Variants in CRACDL observed in about 807,000 individuals in gnomAD.
CRACDL encodes CRACD-like protein.
In CRACDL, 26 loss-of-function variants were observed where a neutral mutation model predicts 70.6. The ratio of observed to expected loss-of-function variants is 0.37; its 90% confidence interval spans 0.27 to 0.51. The LOEUF is 0.51. Among genes scored for constraint, CRACDL ranks in the 20% least tolerant of loss-of-function variants. The pLI, the probability that CRACDL is intolerant of heterozygous loss-of-function variation, is 0.94. For synonymous variants in CRACDL, 618 were observed against 615.2 expected (o/e 1.00, Z -0.07); for missense variants, 1,283 against 1,376.9 (o/e 0.93, Z 1.08).
At position 98,823,510 on chromosome 2, in the gene CRACDL, G is replaced by T; in HGVS notation, c.763C>A (p.Leu255Met). Residue 255 changes from leucine to methionine, a missense_variant, in exon 7 of 10, where the codon CTG (leucine) becomes ATG (methionine). Leu to Met is a conservative substitution (Grantham distance 15). Transcript: ENST00000397899. The surrounding 1 kb of genome is among the most constrained non-coding windows in gnomAD (Gnocchi z 4.0). ...TCCTCCTCCTCTGGGGTGCACGTCA[G>T]GTCGCTCAGGGATTCAGACTGAGCG... is the stretch of plus-strand genomic sequence containing the variant. ...SRAQSESLSD[L>M]TCTPEEEENE... 2 of 1,590,750 alleles carry T rather than the reference G, an allele frequency of 1.3e-6. No homozygotes were observed. The highest frequency in any genetic ancestry group is 1.7e-6 in the Non-Finnish European group (2 of 1,176,128).
At chr2:98,872,741 G>A (rs1227036637) in intron 1 of CRACDL, among the ~76,000 whole-genome samples, 1 of 152,206 alleles carries the variant, frequency 6.6e-6, no homozygotes, top group East Asian at 1.9e-4. Flanking sequence ...TGACGATGCT[G>A]CCCGTGGACC....
chr2:98,908,178 G>A (rs1336451884), intron 1 of CRACDL, among the ~76,000 whole-genome samples: 2 of 152,246 alleles, frequency 1.3e-5, no homozygotes, highest in Non-Finnish European at 2.9e-5. Context: ...GTTCAAAGCT[G>A]TAACCAGTAG....
At chr2:98,889,985 A>G (rs1707920439) in intron 1 of CRACDL, among the ~76,000 whole-genome samples, 1 of 152,178 alleles carries the variant, frequency 6.6e-6, no homozygotes, top group African/African-American at 2.4e-5. Context: ...CCACATACCA[A>G]TATTTATGGT....
chr2:98,835,936 C>T (rs1705759267), intron 3 of CRACDL, among the ~76,000 whole-genome samples: 13 of 152,186 alleles, frequency 8.5e-5, no homozygotes, highest in Admixed American at 8.5e-4. Flanking sequence ...AAGCAGGTGA[C>T]TCATCATGGG....
intron 1 of CRACDL, among the ~76,000 whole-genome samples, chr2:98,860,205 T>C (rs1211745075): frequency 6.6e-6 from 1 of 152,184 alleles, no homozygotes; most frequent in Non-Finnish European, 1.5e-5. Context: ...ACAATATTAT[T>C]AAATGGCAGT....
chr2:98,806,557 GAA>G (rs539100588), intron 7 of CRACDL, among the ~76,000 whole-genome samples: 7 of 152,204 alleles, frequency 4.6e-5, no homozygotes, highest in Non-Finnish European at 1.0e-4. Flanking sequence ...GAGCTGGACT[GAA>G]AGCACACTTG....
chr2:98,832,246 A>G (rs1169386422), intron 5 of CRACDL, 102 bp downstream of exon 5: 10 of 1,304,544 alleles, frequency 7.7e-6, no homozygotes, highest in African/African-American at 1.4e-5. Flanking sequence ...CACACCATGC[A>G]CAGCCTGGAG....
intron 1 of CRACDL, among the ~76,000 whole-genome samples, chr2:98,854,099 T>C (rs1456507908): frequency 2.0e-5 from 3 of 151,506 alleles, no homozygotes; most frequent in Admixed American, 6.6e-5. Context: ...CTGGCCAACA[T>C]GGTGAAACCT....
intron 1 of CRACDL, among the ~76,000 whole-genome samples, chr2:98,854,577 C>T (rs1272996755): frequency 1.3e-5 from 2 of 151,860 alleles, no homozygotes; most frequent in African/African-American, 4.8e-5. Flanking sequence ...AAATATCTTA[C>T]AAAAATAAAA....
chr2:98,935,280 C>T (rs1010965295), intron 1 of CRACDL, among the ~76,000 whole-genome samples: 23 of 152,144 alleles, frequency 1.5e-4, no homozygotes, highest in African/African-American at 5.6e-4. Context: ...TGCACCTACA[C>T]GGAGTCAAAT....
Position 98,936,034 on chromosome 2 carries a change from G to A in CRACDL, c.-107C>T, listed in dbSNP as rs547405244. The stretch of plus-strand genomic sequence containing the variant: ...CGGGGCTGCTCCCGCCGCGGTGCGC[G>A]TCTAGCCCCAGCCCAAAGCCGGGGC... On this transcript the variant is annotated 5_prime_UTR_variant, in exon 1 of 10. It adds an upstream start codon to the 5' untranslated region. Coordinates refer to ENST00000397899, the MANE Select transcript of CRACDL (RefSeq NM_207362.3). 10 of 152,104 alleles carry A rather than the reference G, an allele frequency of 6.6e-5. No homozygotes were observed. The East Asian group carries it at 1.7e-3, about 27-fold the overall frequency. The allele number at this position is 152,104 out of a possible 1,614,324, so 9.4% of individuals were successfully genotyped here.
At chr2:98,927,824 C>A (rs951651109) in intron 1 of CRACDL, among the ~76,000 whole-genome samples, 11 of 152,068 alleles carry the variant, frequency 7.2e-5, no homozygotes, top group African/African-American at 2.7e-4. Flanking sequence ...TGGATGCAAA[C>A]GAAGAATATC....
At chr2:98,841,125 G>A (rs529562912) in intron 2 of CRACDL, among the ~76,000 whole-genome samples, 8 of 152,234 alleles carry the variant, frequency 5.3e-5, no homozygotes, top group Admixed American at 1.3e-4. Flanking sequence ...CCTTTACCCA[G>A]TGTTCACAAA....
At chr2:98,862,827 G>C (rs926980308) in intron 1 of CRACDL, among the ~76,000 whole-genome samples, 2 of 152,080 alleles carry the variant, frequency 1.3e-5, no homozygotes, top group African/African-American at 4.8e-5. Flanking sequence ...CATTGTAAGA[G>C]TTCCAGAAAG....
At chr2:98,876,472 G>A (rs1707491099) in intron 1 of CRACDL, among the ~76,000 whole-genome samples, 2 of 152,220 alleles carry the variant, frequency 1.3e-5, no homozygotes, top group East Asian at 1.9e-4. Flanking sequence ...GGTCAGCAGC[G>A]GCATTAGATT....
At chr2:98,925,742 G>A (rs1296278076) in intron 1 of CRACDL, among the ~76,000 whole-genome samples, 1 of 152,090 alleles carries the variant, frequency 6.6e-6, no homozygotes. Context: ...AATACACAGG[G>A]TGACTACAAG....
At chr2:98,821,809 TG>T in intron 7 of CRACDL, 47 bp downstream of exon 7, 1 of 1,586,334 alleles carries the variant, frequency 6.3e-7, no homozygotes, top group Non-Finnish European at 8.5e-7. Flanking sequence ...CCCGTGGATG[TG>T]GATCTCCCCA....
At chr2:98,810,971 A>T (rs77725469) in intron 7 of CRACDL, among the ~76,000 whole-genome samples, 4,826 of 143,158 alleles carry the variant, frequency 0.034, 88 homozygotes, top group Middle Eastern at 0.068. Context: ...ACTCTGATAT[A>T]AAAAAAAAAA....
At position 98,866,373 on chromosome 2, in the gene CRACDL, G is replaced by C. The variant is rs1573105946; in HGVS notation, c.-10-19563C>G. Among the ~76,000 whole-genome samples, 5 of 151,610 alleles carry C rather than the reference G, an allele frequency of 3.3e-5. No individual in the cohort carries two copies. In the South Asian group the frequency reaches 1.0e-3, roughly 32 times the overall value. On this transcript the variant is annotated intron_variant, in intron 1 of 9. Coordinates refer to ENST00000397899, the MANE Select transcript of CRACDL (RefSeq NM_207362.3). Reference sequence around the variant, plus strand: ...TGTCACCAGCATAGAACAGCTGCATGGTAGTGCTCAATAAATATTGTTAAA... The same window carrying C: ...TGTCACCAGCATAGAACAGCTGCATCGTAGTGCTCAATAAATATTGTTAAA...
Sources: allele counts gnomAD v4.1 joint callset (sites outside exome capture counted in the v4.1 genomes callset), GRCh38; gene constraint gnomAD v4.1.1; non-coding constraint Gnocchi (gnomAD v3.1); transcripts MANE v1.5; gene names NCBI Gene and HGNC (gene_info 2026-07-23, HGNC 2026-07-21).